Variants in ADD3 observed in about 807,000 individuals in gnomAD.
ADD3 encodes the protein adducin 3.
A neutral mutation model predicts 80.2 loss-of-function variants in ADD3; 25 were observed. The observed-to-expected ratio is 0.31, with a 90% confidence interval of 0.23 to 0.44. The LOEUF (loss-of-function observed/expected upper bound fraction) is 0.44. ADD3 is among the 20% of genes least tolerant of loss of function. The pLI is 1.00. For synonymous variants in ADD3, 284 were observed against 289.6 expected, an observed-to-expected ratio of 0.98 and a Z score of 0.20; for missense variants, 829 against 847.5, an observed-to-expected ratio of 0.98 and a Z score of 0.27.
At chr10:110,065,535 T>C (rs28655519) in intron 1 of ADD3, among the ~76,000 whole-genome samples, 3 of 111,866 alleles carry the variant, frequency 2.7e-5, no homozygotes, top group Admixed American at 1.0e-4. Flanking sequence ...CCTCTCTCTC[T>C]CCCCTTTTTT....
chr10:110,071,861 A>C (rs962579269), intron 1 of ADD3, among the ~76,000 whole-genome samples: 1 of 152,200 alleles, frequency 6.6e-6, no homozygotes, highest in Non-Finnish European at 1.5e-5. Context: ...AGCTGAACTT[A>C]CCAATCATTG....
chr10:110,102,105 G>A (rs1263811361), intron 2 of ADD3, among the ~76,000 whole-genome samples: 1 of 152,124 alleles, frequency 6.6e-6, no homozygotes, highest in Non-Finnish European at 1.5e-5. Flanking sequence ...TGTAAGCATT[G>A]AGTAATTTTA....
intron 6 of ADD3, 88 bp from the exon 7 acceptor site, chr10:110,119,122 GT>G (rs1323261548): frequency 6.7e-5 from 97 of 1,445,390 alleles, no homozygotes; most frequent in Non-Finnish European, 8.5e-5. Flanking sequence ...ATAGGCCAGT[GT>G]TTTCCTGAGC....
chr10:110,108,101 T>G (rs1490695869), intron 2 of ADD3, among the ~76,000 whole-genome samples: 1 of 152,170 alleles, frequency 6.6e-6, no homozygotes, highest in Admixed American at 6.5e-5. Context: ...CTAATCTGAC[T>G]TAAGCCCAGT....
At chr10:110,055,286 A>T (rs1252297436) in intron 1 of ADD3, among the ~76,000 whole-genome samples, 3 of 152,204 alleles carry the variant, frequency 2.0e-5, no homozygotes, top group Non-Finnish European at 2.9e-5. Context: ...GTGGTAAAGC[A>T]GTCTGTTTAC....
At chr10:110,133,240 C>T in intron 14 of ADD3, 86 bp from the exon 15 acceptor site, 1 of 1,348,028 alleles carries the variant, frequency 7.4e-7, no homozygotes, top group Non-Finnish European at 1.0e-6. Context: ...TGCCTTATTA[C>T]ATTGCTAAAA....
At chr10:110,090,769 A>C (rs1847401492) in intron 1 of ADD3, among the ~76,000 whole-genome samples, 2 of 152,122 alleles carry the variant, frequency 1.3e-5, no homozygotes, top group Admixed American at 1.3e-4. Flanking sequence ...TCAGACATCA[A>C]CTTCCATTAA....
chr10:110,076,542 T>C (rs1477959760), intron 1 of ADD3, among the ~76,000 whole-genome samples: 2 of 152,186 alleles, frequency 1.3e-5, no homozygotes, highest in Admixed American at 1.3e-4. Flanking sequence ...TGTTTGTGTA[T>C]TGCTAGGAGA....
chr10:110,114,227 T>C (rs1182700881), intron 3 of ADD3, among the ~76,000 whole-genome samples: 2 of 152,132 alleles, frequency 1.3e-5, no homozygotes, highest in African/African-American at 4.8e-5. Context: ...GAAGTTAAAG[T>C]TGGAAGGTTA....
chr10:110,004,883 GGACAC>G (rs1441157764), upstream of ADD3, among the ~76,000 whole-genome samples: 1 of 152,008 alleles, frequency 6.6e-6, no homozygotes, highest in Non-Finnish European at 1.5e-5. Context: ...ATTCTCAGGT[GGACAC>G]GACACATTTT....
intron 1 of ADD3, among the ~76,000 whole-genome samples, chr10:110,042,977 T>A (rs919793110): frequency 1.2e-4 from 18 of 152,244 alleles, no homozygotes; most frequent in Non-Finnish European, 4.4e-5. Flanking sequence ...TTAATATTTT[T>A]AAATAATGAT....
At chr10:110,076,071 T>A (rs1241484843) in intron 1 of ADD3, among the ~76,000 whole-genome samples, 1 of 152,238 alleles carries the variant, frequency 6.6e-6, no homozygotes, top group Non-Finnish European at 1.5e-5. Flanking sequence ...TTCTCTCAAA[T>A]CCTTTTCCAT....
At chr10:110,122,920 C>A in intron 9 of ADD3, among the ~76,000 whole-genome samples, 1 of 152,064 alleles carries the variant, frequency 6.6e-6, no homozygotes, top group East Asian at 1.9e-4. Context: ...GCGTGAGCTG[C>A]CATGCCCAAC....
rs572689124 is a variant in ADD3, at chr10:110,123,478, C to T, written c.1144-539C>T. ...AGTGATGTTTTAATACACTTGTTGA[C>T]CATTTGTATGTCTTCTTTTGAGAAA... On this transcript the variant is annotated intron_variant, in intron 9 of 14. Transcript: ENST00000356080. Among the ~76,000 whole-genome samples, 28 of 152,220 alleles carry T rather than the reference C, an allele frequency of 1.8e-4. 1 individual carries two copies. Among genetic ancestry groups the T allele is most frequent in the Admixed American group, 1.5e-3 (23 of 15,282 alleles).
chr10:110,054,852 G>A (rs936649572), intron 1 of ADD3, among the ~76,000 whole-genome samples: 26 of 152,014 alleles, frequency 1.7e-4, no homozygotes, highest in African/African-American at 6.3e-4. Flanking sequence ...CTGACCTCGT[G>A]ATCTGCCCAC....
At chr10:110,094,864 C>T (rs972178247) in intron 1 of ADD3, among the ~76,000 whole-genome samples, 2 of 152,114 alleles carry the variant, frequency 1.3e-5, no homozygotes, top group African/African-American at 2.4e-5. Context: ...TGCTGCTTTG[C>T]GGTCTTGGCA....
intron 8 of ADD3, among the ~76,000 whole-genome samples, chr10:110,120,726 A>G (rs570010623): frequency 1.3e-5 from 2 of 152,338 alleles, no homozygotes; most frequent in Non-Finnish European, 1.5e-5. Context: ...AGCTGGAGGC[A>G]TCACACTACC....
intron 1 of ADD3, among the ~76,000 whole-genome samples, chr10:110,057,500 T>A (rs1016508666): frequency 6.6e-6 from 1 of 152,164 alleles, no homozygotes; most frequent in Non-Finnish European, 1.5e-5. Flanking sequence ...ACTCAAACAT[T>A]ATTGTTCTTT....
chr10:110,032,935 A>AT (rs1855222129), intron 1 of ADD3, among the ~76,000 whole-genome samples: 1 of 152,316 alleles, frequency 6.6e-6, no homozygotes, highest in East Asian at 1.9e-4. Context: ...TTAGAGTTAA[A>AT]TTAAATAGCC....
Sources: gnomAD v4.1 joint callset for allele counts (sites outside exome capture counted in the v4.1 genomes callset) on GRCh38, gnomAD v4.1.1 for gene constraint, MANE v1.5 for transcripts, NCBI Gene and HGNC (gene_info 2026-07-23, HGNC 2026-07-21) for gene names.